MICU1: variants seen among roughly 807,000 people sequenced by gnomAD.
The protein encoded by MICU1 is mitochondrial calcium uptake 1, also known as calcium uptake protein 1, mitochondrial.
Under a neutral mutation model 56.8 loss-of-function variants are expected in MICU1, and 45 were observed. The ratio of observed to expected loss-of-function variants is 0.79; its 90% confidence interval spans 0.62 to 1.02. The LOEUF is 1.02. MICU1 is among the 50% of genes least tolerant of loss of function. The pLI, the probability that MICU1 is intolerant of heterozygous loss-of-function variation, is 0.00. For synonymous variants in MICU1, 186 were observed against 195.1 expected, an observed-to-expected ratio of 0.95 and a Z score of 0.39; for missense variants, 504 against 587.1, an observed-to-expected ratio of 0.86 and a Z score of 1.46.
chr10:72,596,389 G>C (rs1841382442), intron 1 of MICU1, among the ~76,000 whole-genome samples: 1 of 152,100 alleles, frequency 6.6e-6, no homozygotes, highest in Non-Finnish European at 1.5e-5. Flanking sequence ...AGGGACTCCT[G>C]ATCATGCCAC....
intron 4 of MICU1, among the ~76,000 whole-genome samples, chr10:72,541,831 T>C (rs1203639535): frequency 6.6e-6 from 1 of 152,204 alleles, no homozygotes; most frequent in African/African-American, 2.4e-5. Context: ...ATGAGCTAAA[T>C]AAATGTTTGT....
At chr10:72,494,842 T>TA (rs758537983) in intron 6 of MICU1, among the ~76,000 whole-genome samples, 2,713 of 144,830 alleles carry the variant, frequency 0.019, 40 homozygotes, top group East Asian at 0.047. Flanking sequence ...GCCCTGATTC[T>TA]AAAAAAAAAA....
At chr10:72,500,206 T>C (rs1267446675) in intron 6 of MICU1, among the ~76,000 whole-genome samples, 4 of 142,846 alleles carry the variant, frequency 2.8e-5, no homozygotes, top group East Asian at 2.2e-4. Context: ...CAAAGATTAA[T>C]AGTAAAAAGT....
intron 1 of MICU1, among the ~76,000 whole-genome samples, chr10:72,623,300 C>CAAAAAAAA (rs1164753291): frequency 2.5e-3 from 140 of 55,202 alleles, no homozygotes; most frequent in Non-Finnish European, 3.6e-3. Context: ...GACTCCGTCT[C>CAAAAAAAA]AAAAAAAAAA....
intron 8 of MICU1, among the ~76,000 whole-genome samples, chr10:72,465,607 G>A (rs1046456281): frequency 1.7e-4 from 24 of 144,890 alleles, no homozygotes; most frequent in African/African-American, 4.9e-4. Flanking sequence ...TCTGTCTCCC[G>A]GGTTCAAGTG....
intron 8 of MICU1, among the ~76,000 whole-genome samples, chr10:72,435,311 C>A (rs577376269): frequency 1.3e-5 from 2 of 149,276 alleles, no homozygotes; most frequent in East Asian, 4.0e-4. Context: ...TCACTTGAGT[C>A]CAGGAGTTCA....
rs116013554 is a variant in MICU1, at chr10:72,424,903, T to C, written c.934-1532A>G. Reference sequence around the variant, plus strand: ...ACTATGTCTAAAGAAATCAACATCATCAATATTAGGTGAAAGCCTCTTTTT... The same window carrying C: ...ACTATGTCTAAAGAAATCAACATCACCAATATTAGGTGAAAGCCTCTTTTT... On this transcript the variant is annotated intron_variant, in intron 8 of 11. Coordinates refer to ENST00000361114, the MANE Select transcript of MICU1 (RefSeq NM_001195518.2). Among the ~76,000 whole-genome samples, 549 of 152,316 alleles carry C rather than the reference T, an allele frequency of 3.6e-3. 2 individuals carry two copies. Among genetic ancestry groups the C allele is most frequent in the African/African-American group, 0.013 (534 of 41,574 alleles).
At chr10:72,461,083 G>A (rs138164789) in intron 8 of MICU1, among the ~76,000 whole-genome samples, 2 of 152,194 alleles carry the variant, frequency 1.3e-5, no homozygotes, top group African/African-American at 2.4e-5. Context: ...CTGGGAGAAC[G>A]TAAAGAAACT....
chr10:72,405,958 T>C (rs1305887944), intron 10 of MICU1, among the ~76,000 whole-genome samples: 1 of 151,942 alleles, frequency 6.6e-6, no homozygotes, highest in Non-Finnish European at 1.5e-5. Flanking sequence ...TCTCACCACT[T>C]CTATTCAATA....
Position 72,525,154 on chromosome 10 carries a change from TA to T in MICU1, c.537+8591del, listed in dbSNP as rs1217658238. On this transcript the variant is annotated intron_variant, in intron 5 of 11. Coordinates refer to ENST00000361114, the MANE Select transcript of MICU1 (RefSeq NM_001195518.2). The stretch of plus-strand genomic sequence containing the variant: ...AATAAAGTGATACCCACATTGGTAT[TA>T]AAAAAAAAAAAGCAGTCATCCTGAA... Among the ~76,000 whole-genome samples the T allele has an allele frequency of 5.5e-3, 730 of 131,924 alleles. 2 individuals carry two copies. Among genetic ancestry groups the T allele is most frequent in the Admixed American group, 0.033 (426 of 13,022 alleles). 86.5% of individuals were successfully genotyped at this position (131,924 alleles called of 152,430 possible).
At chr10:72,415,075 G>C (rs929630300) in intron 9 of MICU1, among the ~76,000 whole-genome samples, 1 of 149,180 alleles carries the variant, frequency 6.7e-6, no homozygotes, top group African/African-American at 2.5e-5. Context: ...GAGTGCAATG[G>C]AGCAATCTTG....
intron 1 of MICU1, among the ~76,000 whole-genome samples, chr10:72,569,229 A>T (rs867476117): frequency 0.076 from 2,832 of 37,408 alleles, 416 homozygotes; most frequent in African/African-American, 0.26. Flanking sequence ...ATATATATAT[A>T]TATATATATT....
Position 72,438,514 on chromosome 10 carries a change from C to T in MICU1, c.934-15143G>A, listed in dbSNP as rs1589220451. Among the ~76,000 whole-genome samples the T allele has an allele frequency of 2.0e-5, 3 of 152,012 alleles. No individual in the cohort carries two copies. In the South Asian group the frequency reaches 6.2e-4, roughly 32 times the overall value. ...CTAGAGAAGCAAGAGCAAACAAATT[C>T]AAAAGCTAGCAGAAGGCAAGAAATA... On this transcript the variant is annotated intron_variant, in intron 8 of 11. Transcript: ENST00000361114.
rs201312868 is a variant in MICU1 at position 72,449,397 on chromosome 10, CA to C, written c.933+25702del. Among the ~76,000 whole-genome samples the C allele has an allele frequency of 7.4e-3, 1,098 of 148,102 alleles. 16 individuals carry two copies. Among genetic ancestry groups the C allele is most frequent in the African/African-American group, 0.025 (1,033 of 40,586 alleles). The stretch of plus-strand genomic sequence containing the variant: ...TGGGTGACAGAGCAAGACTCTGTCT[CA>C]AAAAAAAAAATTTTTTTTTGGTAAA... On this transcript the variant is annotated intron_variant, in intron 8 of 11. Coordinates refer to ENST00000361114, the MANE Select transcript of MICU1 (RefSeq NM_001195518.2).
intron 6 of MICU1, among the ~76,000 whole-genome samples, chr10:72,492,789 G>GAATAA (rs71018299): frequency 0.076 from 10,286 of 135,200 alleles, 494 homozygotes; most frequent in East Asian, 0.11. Context: ...AAATAGAATA[G>GAATAA]AATAAAATAA....
intron 8 of MICU1, among the ~76,000 whole-genome samples, chr10:72,465,520 T>C (rs1429665016): frequency 2.0e-4 from 25 of 124,630 alleles, no homozygotes; most frequent in African/African-American, 1.0e-3. Flanking sequence ...TTTTTTTTTT[T>C]TTTTTTTTTT....
At chr10:72,437,827 C>A (rs1356138695) in intron 8 of MICU1, among the ~76,000 whole-genome samples, 2 of 152,148 alleles carry the variant, frequency 1.3e-5, no homozygotes, top group Non-Finnish European at 2.9e-5. Flanking sequence ...GTAAAGGGAT[C>A]AATTCAACAA....
intron 6 of MICU1, among the ~76,000 whole-genome samples, chr10:72,505,567 C>A (rs12778889): frequency 0.47 from 70,826 of 152,022 alleles, 20,373 homozygotes; most frequent in Non-Finnish European, 0.67. Flanking sequence ...AACCTAGGTG[C>A]CCATCAGTGG....
chr10:72,446,714 T>G lies in MICU1; in HGVS notation c.934-23343A>C, dbSNP rs147773489. Among the ~76,000 whole-genome samples the G allele has an allele frequency of 1.1e-3, 165 of 152,320 alleles. 1 individual carries two copies. The highest frequency in any genetic ancestry group is 3.8e-3 in the African/African-American group (157 of 41,574). On this transcript the variant is annotated intron_variant, in intron 8 of 11. Transcript: ENST00000361114. Reference sequence around the variant, plus strand: ...GGTTTGCACAACAGCATTTTTTTCTTTCTTAGTGATTAATAAAATAATAGT... The same window carrying G: ...GGTTTGCACAACAGCATTTTTTTCTGTCTTAGTGATTAATAAAATAATAGT...
Sources: allele counts gnomAD v4.1 joint callset (sites outside exome capture counted in the v4.1 genomes callset), GRCh38; gene constraint gnomAD v4.1.1; transcripts MANE v1.5; gene names NCBI Gene and HGNC (gene_info 2026-07-23, HGNC 2026-07-21).